Variants in ATXN1 observed in about 807,000 individuals in gnomAD.
The protein encoded by ATXN1 is ataxin-1.
In ATXN1, 8 loss-of-function variants were observed where a neutral mutation model predicts 56.4. The observed-to-expected ratio is 0.14, with a 90% CI of 0.08 to 0.26. ATXN1 has a LOEUF of 0.26. ATXN1 is among the 10% of genes least tolerant of loss of function. The pLI, the probability that ATXN1 is intolerant of heterozygous loss-of-function variation, is 1.00. For missense variants in ATXN1, 987 were observed against 1,106.5 expected (o/e 0.89, Z 1.53); for synonymous variants, 514 against 494.6 (o/e 1.04, Z -0.52).
At chr6:16,740,065 T>G (rs1760278678) in intron 2 of ATXN1, 1 of 300,832 alleles carries the variant, frequency 3.3e-6, no homozygotes, top group Non-Finnish European at 7.0e-6. Context: ...TTGTTTGCAG[T>G]TTCACTAATG....
chr6:16,617,274 A>G lies in ATXN1; in HGVS notation c.-488-31367T>C, dbSNP rs183633208. Among the ~76,000 whole-genome samples, 241 of 152,312 alleles carry G rather than the reference A, an allele frequency of 1.6e-3. 1 individual carries two copies. Among genetic ancestry groups the G allele is most frequent in the Non-Finnish European group, 2.9e-3 (195 of 68,024 alleles). On this transcript the variant is annotated intron_variant, in intron 3 of 7. Transcript: ENST00000436367. ...AAACATTGTGCATGGATCAAAAATT[A>G]CAAGAGTTCAGTAAAGACTTCCATT...
In ATXN1 at chr6:16,466,317, C is replaced by CAAAAA. The variant is rs200261208; in HGVS notation, c.-161+19650_-161+19654dup. ...TGGGTGACAGAGTCAGACCCCATCT[C>CAAAAA]AAAAAAAAAAAAAAAAAAAAAAAAA... On this transcript the variant is annotated intron_variant, in intron 6 of 7. Transcript: ENST00000436367. 1.2e-3 allele frequency among the ~76,000 whole-genome samples: 96 copies of CAAAAA among 79,846 alleles called. 4 individuals carry two copies. Among genetic ancestry groups the CAAAAA allele is most frequent in the African/African-American group, 3.7e-3 (74 of 20,154 alleles). 52.4% of individuals were successfully genotyped at this position (79,846 alleles called of 152,430 possible).
intron 4 of ATXN1, among the ~76,000 whole-genome samples, chr6:16,532,557 C>A (rs1284038898): frequency 6.6e-6 from 1 of 152,122 alleles, no homozygotes; most frequent in African/African-American, 2.4e-5. Flanking sequence ...GGGCAAAGGA[C>A]TTGAATTGAC....
chr6:16,590,678 T>C (rs1762706203), intron 3 of ATXN1, among the ~76,000 whole-genome samples: 1 of 151,996 alleles, frequency 6.6e-6, no homozygotes, highest in Admixed American at 6.6e-5. Flanking sequence ...ATTCTTTTTT[T>C]TTTTTCTTTG....
chr6:16,546,550 A>G (rs1415201125), intron 4 of ATXN1, among the ~76,000 whole-genome samples: 2 of 152,230 alleles, frequency 1.3e-5, no homozygotes, highest in Admixed American at 1.3e-4. Context: ...ATTGGCTAGA[A>G]ATCAGAAAAT....
chr6:16,689,892 T>C (rs1490209848), intron 2 of ATXN1, among the ~76,000 whole-genome samples: 1 of 152,160 alleles, frequency 6.6e-6, no homozygotes, highest in African/African-American at 2.4e-5. Context: ...CTGAAACGTC[T>C]GTACCGTTTG....
intron 4 of ATXN1, among the ~76,000 whole-genome samples, chr6:16,573,938 C>T (rs1248971327): frequency 1.3e-5 from 2 of 152,236 alleles, no homozygotes; most frequent in African/African-American, 4.8e-5. Flanking sequence ...CTGACACTGG[C>T]ACCCCATTAC....
chr6:16,732,953 TC>T (rs1760024654), intron 2 of ATXN1, among the ~76,000 whole-genome samples: 1 of 152,224 alleles, frequency 6.6e-6, no homozygotes, highest in African/African-American at 2.4e-5. Context: ...TTGAAAAACT[TC>T]CATGGATGAG....
intron 2 of ATXN1, among the ~76,000 whole-genome samples, chr6:16,752,427 A>C (rs1445244178): frequency 6.6e-6 from 1 of 152,120 alleles, no homozygotes; most frequent in Non-Finnish European, 1.5e-5. Flanking sequence ...TATTTTTTTA[A>C]GCTCTCCAGG....
chr6:16,519,473 G>A (rs1243193149), intron 5 of ATXN1, among the ~76,000 whole-genome samples: 1 of 152,206 alleles, frequency 6.6e-6, no homozygotes, highest in Non-Finnish European at 1.5e-5. Flanking sequence ...CAGAAGATGA[G>A]AAATGGGTAT....
At position 16,673,198 on chromosome 6, in the gene ATXN1, A is replaced by G. The variant is rs1351961437; in HGVS notation, c.-614-15297T>C. On this transcript the variant is annotated intron_variant, in intron 2 of 7. Transcript: ENST00000436367. ...GATAAAAACAGTTGCTTTAAGCCAC[A>G]AAGTTCCTGATAAGTTGTTACAGCA... 3.9e-5 allele frequency among the ~76,000 whole-genome samples: 6 copies of G among 152,188 alleles called. No individual in the cohort carries two copies. The East Asian group carries it at 1.2e-3, about 29-fold the overall frequency.
intron 6 of ATXN1, among the ~76,000 whole-genome samples, chr6:16,409,132 G>A (rs1346446954): frequency 6.6e-6 from 1 of 151,972 alleles, no homozygotes; most frequent in South Asian, 2.1e-4. Context: ...TCACAGGATC[G>A]ATATTTCCTG....
chr6:16,533,095 G>A (rs1473282385), intron 4 of ATXN1, among the ~76,000 whole-genome samples: 1 of 152,212 alleles, frequency 6.6e-6, no homozygotes, highest in Non-Finnish European at 1.5e-5. Flanking sequence ...ATGCAGTTTT[G>A]CTTTGGGAAG....
chr6:16,680,326 C>T (rs1010950081), intron 2 of ATXN1, among the ~76,000 whole-genome samples: 1 of 152,166 alleles, frequency 6.6e-6, no homozygotes, highest in Non-Finnish European at 1.5e-5. Flanking sequence ...CCCAGAAAGG[C>T]CCCCTACCCC....
At chr6:16,739,474 A>G (rs1760256098) in intron 2 of ATXN1, 2 of 237,602 alleles carry the variant, frequency 8.4e-6, no homozygotes, top group Non-Finnish European at 1.8e-5. Flanking sequence ...TCATCCCAGG[A>G]CTATGCCTGT....
At chr6:16,568,582 G>C (rs1352414103) in intron 4 of ATXN1, among the ~76,000 whole-genome samples, 1 of 152,212 alleles carries the variant, frequency 6.6e-6, no homozygotes, top group Non-Finnish European at 1.5e-5. Context: ...ACCATGAGCA[G>C]GGGACAGGAG....
intron 3 of ATXN1, among the ~76,000 whole-genome samples, chr6:16,637,445 T>C (rs1262503526): frequency 6.6e-6 from 1 of 151,836 alleles, no homozygotes; most frequent in African/African-American, 2.4e-5. Flanking sequence ...TGTATACATA[T>C]GTAACAAACC....
intron 3 of ATXN1, among the ~76,000 whole-genome samples, chr6:16,600,228 A>T (rs1279562628): frequency 6.6e-6 from 1 of 152,196 alleles, no homozygotes; most frequent in African/African-American, 2.4e-5. Context: ...ATGTGGCACA[A>T]TTTTAATACT....
At chr6:16,319,140 C>A (rs1760585812) in intron 7 of ATXN1, among the ~76,000 whole-genome samples, 1 of 151,708 alleles carries the variant, frequency 6.6e-6, no homozygotes, top group South Asian at 2.1e-4. Context: ...ATTGCTTGAG[C>A]CTAGGAGGTC....
Sources: gnomAD v4.1 joint callset for allele counts (sites outside exome capture counted in the v4.1 genomes callset) on GRCh38, gnomAD v4.1.1 for gene constraint, MANE v1.5 for transcripts, NCBI Gene and HGNC (gene_info 2026-07-23, HGNC 2026-07-21) for gene names.